NR3C2: variants seen among roughly 807,000 people sequenced by gnomAD.
The protein encoded by NR3C2 is mineralocorticoid receptor.
Under a neutral mutation model 86.4 loss-of-function variants are expected in NR3C2, and 15 were observed. The observed-to-expected ratio is 0.17, with a 90% CI of 0.12 to 0.27. The LOEUF (loss-of-function observed/expected upper bound fraction) is 0.27. Ranked by LOEUF, NR3C2 falls within the 10% of genes least tolerant of loss-of-function variation. The pLI, the probability that NR3C2 is intolerant of heterozygous loss-of-function variation, is 1.00. For missense variants in NR3C2, 960 were observed against 1,195.6 expected, an observed-to-expected ratio of 0.80 and a Z score of 2.91; for synonymous variants, 458 against 450.5, an observed-to-expected ratio of 1.02 and a Z score of -0.21.
intron 4 of NR3C2, among the ~76,000 whole-genome samples, chr4:148,186,843 T>G (rs1409059905): frequency 6.6e-6 from 1 of 151,118 alleles, no homozygotes; most frequent in East Asian, 2.0e-4. Context: ...AGCTCCCACA[T>G]ACCAGTGACA....
At chr4:148,123,787 G>T (rs1481759587) in intron 6 of NR3C2, among the ~76,000 whole-genome samples, 1 of 152,196 alleles carries the variant, frequency 6.6e-6, no homozygotes. Flanking sequence ...AGTTATCATT[G>T]TTAAATCTAG....
intron 3 of NR3C2, among the ~76,000 whole-genome samples, chr4:148,223,970 A>G (rs143922283): frequency 2.6e-5 from 4 of 152,286 alleles, no homozygotes; most frequent in Non-Finnish European, 5.9e-5. Flanking sequence ...TAAAAACTGA[A>G]GCTAGAGAGA....
intron 8 of NR3C2, among the ~76,000 whole-genome samples, chr4:148,089,228 T>C (rs1365846416): frequency 6.6e-6 from 1 of 152,204 alleles, no homozygotes; most frequent in African/African-American, 2.4e-5. Flanking sequence ...CTGCCCTCAG[T>C]CTGCAGAGTG....
At chr4:148,088,529 G>A (rs1056095015) in intron 8 of NR3C2, among the ~76,000 whole-genome samples, 100 of 152,296 alleles carry the variant, frequency 6.6e-4, no homozygotes, top group African/African-American at 2.3e-3. Context: ...GGAATACTAT[G>A]CAGCCATAAA....
chr4:148,361,557 T>C (rs930080662), intron 2 of NR3C2, among the ~76,000 whole-genome samples: 1 of 152,124 alleles, frequency 6.6e-6, no homozygotes, highest in African/African-American at 2.4e-5. Flanking sequence ...TAATAGGAAA[T>C]TGTGGGCTCT....
At chr4:148,388,185 C>A (rs1194051946) in intron 2 of NR3C2, among the ~76,000 whole-genome samples, 1 of 152,034 alleles carries the variant, frequency 6.6e-6, no homozygotes, top group East Asian at 1.9e-4. Context: ...GAATATTAGA[C>A]AAGTCAATAA....
At chr4:148,083,728 T>TAA (rs1403688268) in intron 8 of NR3C2, among the ~76,000 whole-genome samples, 1 of 152,074 alleles carries the variant, frequency 6.6e-6, no homozygotes, top group Non-Finnish European at 1.5e-5. Flanking sequence ...AGGTGGATAA[T>TAA]AACAAACTCC....
chr4:148,392,194 T>C (rs1307873645), intron 2 of NR3C2, among the ~76,000 whole-genome samples: 1 of 152,192 alleles, frequency 6.6e-6, no homozygotes, highest in African/African-American at 2.4e-5. Context: ...ATTTACCAAA[T>C]ATTAACAAAG....
chr4:148,422,127 C>T (rs571325369), intron 2 of NR3C2, among the ~76,000 whole-genome samples: 17 of 152,092 alleles, frequency 1.1e-4, no homozygotes, highest in Middle Eastern at 3.4e-3. Flanking sequence ...AAAAACAGTA[C>T]TTAAGAGGGG....
chr4:148,266,826 T>A (rs187760466), intron 2 of NR3C2, among the ~76,000 whole-genome samples: 44 of 152,162 alleles, frequency 2.9e-4, no homozygotes, highest in Admixed American at 1.0e-3. Flanking sequence ...TGAAGTAGGG[T>A]AAAAGTGGTA....
chr4:148,308,920 T>C (rs1244941145), intron 2 of NR3C2, among the ~76,000 whole-genome samples: 1 of 152,034 alleles, frequency 6.6e-6, no homozygotes, highest in Non-Finnish European at 1.5e-5. Context: ...AAGGTGGAGG[T>C]TGCAGTGAGC....
chr4:148,296,245 AACTT>A lies in NR3C2; in HGVS notation c.1758-36132_1758-36129del, dbSNP rs1339971042. Among the ~76,000 whole-genome samples, 6 of 151,874 alleles carry A rather than the reference AACTT, an allele frequency of 4.0e-5. 1 individual carries two copies. Among genetic ancestry groups the A allele is most frequent in the Non-Finnish European group, 2.9e-5 (2 of 67,980 alleles). ...GTACATTTTTTTTTTGTTTACTGTCAACTTACTTATCTGTGCTCCAGCATCACTT... is the reference window on the plus strand; with the variant it reads ...GTACATTTTTTTTTTGTTTACTGTCAACTTATCTGTGCTCCAGCATCACTT... On this transcript the variant is annotated intron_variant, in intron 2 of 8. Coordinates refer to ENST00000358102, the MANE Select transcript of NR3C2 (RefSeq NM_000901.5).
upstream of NR3C2, chr4:148,444,551 TGGGGC>T: frequency 1.0e-6 from 1 of 987,068 alleles, no homozygotes; most frequent in South Asian, 4.7e-5. Context: ...GTGGGGAGGC[TGGGGC>T]GGGGGAAGGG....
chr4:148,240,250 A>G (rs13112076), intron 3 of NR3C2, among the ~76,000 whole-genome samples: 1 of 147,712 alleles, frequency 6.8e-6, no homozygotes, highest in South Asian at 2.1e-4. Context: ...TTATATATAT[A>G]TTTATATATA....
At chr4:148,384,841 T>C (rs1747182539) in intron 2 of NR3C2, among the ~76,000 whole-genome samples, 1 of 152,188 alleles carries the variant, frequency 6.6e-6, no homozygotes, top group Admixed American at 6.5e-5. Context: ...CACTCTGCAA[T>C]TCCAGGTCCT....
chr4:148,415,672 AC>A (rs1748956323), intron 2 of NR3C2, among the ~76,000 whole-genome samples: 1 of 152,170 alleles, frequency 6.6e-6, no homozygotes, highest in Non-Finnish European at 1.5e-5. Context: ...CTAGATCCTA[AC>A]TGAACAAAAT....
intron 2 of NR3C2, among the ~76,000 whole-genome samples, chr4:148,301,650 T>C (rs1212077467): frequency 2.0e-5 from 3 of 152,230 alleles, no homozygotes; most frequent in Non-Finnish European, 4.4e-5. Context: ...TTTTGCTTTT[T>C]AAAATTTCTG....
chr4:148,103,157 C>G (rs1469391203), intron 8 of NR3C2, among the ~76,000 whole-genome samples: 1 of 152,234 alleles, frequency 6.6e-6, no homozygotes, highest in African/African-American at 2.4e-5. Flanking sequence ...GCTAAGCAGT[C>G]TTTTCCCTTG....
At chr4:148,220,792 T>C (rs566676608) in intron 3 of NR3C2, among the ~76,000 whole-genome samples, 2 of 152,192 alleles carry the variant, frequency 1.3e-5, no homozygotes, top group Non-Finnish European at 2.9e-5. Flanking sequence ...TGAGACCCTA[T>C]CTCTAAAAAA....
Sources: gnomAD v4.1 joint callset for allele counts (sites outside exome capture counted in the v4.1 genomes callset) on GRCh38, gnomAD v4.1.1 for gene constraint, MANE v1.5 for transcripts, NCBI Gene and HGNC (gene_info 2026-07-23, HGNC 2026-07-21) for gene names.